The following TCF12 variants were observed in gnomAD, a reference collection of about 807,000 sequenced individuals.
TCF12 encodes transcription factor 12.
Under a neutral mutation model 86.0 loss-of-function variants are expected in TCF12, and 45 were observed. The ratio of observed to expected loss-of-function variants is 0.52; its 90% CI spans 0.41 to 0.67. TCF12 has a LOEUF of 0.67. Ranked by LOEUF, TCF12 falls within the 30% of genes least tolerant of loss-of-function variation. TCF12 has a pLI of 0.00. For missense variants in TCF12, 881 were observed against 859.9 expected (o/e 1.02, Z -0.31); for synonymous variants, 330 against 299.6 (o/e 1.10, Z -1.05).
intron 16 of TCF12, among the ~76,000 whole-genome samples, chr15:57,258,731 G>A (rs1324229670): frequency 6.6e-6 from 1 of 152,164 alleles, no homozygotes; most frequent in Non-Finnish European, 1.5e-5. Flanking sequence ...ATGTTAAATT[G>A]TAAAGTGTAA....
Position 57,197,718 on chromosome 15 carries a change from CTT to C in TCF12, c.527-54_527-53del. ...AAAAGTTATTCTGTTAATTTGAAGT[CTT>C]GATTTTTTTCTGGTATATTATGCTG... On this transcript the variant is annotated intron_variant, in intron 7 of 20. Coordinates refer to ENST00000333725, the MANE Select transcript of TCF12 (RefSeq NM_207037.2). 4 of 1,583,904 alleles carry C rather than the reference CTT, an allele frequency of 2.5e-6. No homozygotes were observed. In the East Asian group the frequency reaches 9.0e-5, roughly 35 times the overall value.
chr15:57,255,874 G>A (rs372295371), intron 16 of TCF12, among the ~76,000 whole-genome samples: 1 of 152,204 alleles, frequency 6.6e-6, no homozygotes. Context: ...AGTCTGAGCT[G>A]CAACATTAGT....
At chr15:57,233,134 A>T (rs1044378637) in intron 11 of TCF12, among the ~76,000 whole-genome samples, 9 of 150,202 alleles carry the variant, frequency 6.0e-5, no homozygotes, top group Admixed American at 1.3e-4. Flanking sequence ...ATATGTATAT[A>T]TGTATATATA....
chr15:57,008,082 T>C (rs1037199886), intron 3 of TCF12, among the ~76,000 whole-genome samples: 2 of 151,724 alleles, frequency 1.3e-5, no homozygotes, highest in African/African-American at 2.4e-5. Flanking sequence ...TGCTTTTGCC[T>C]CTTGAGTAGC....
intron 4 of TCF12, among the ~76,000 whole-genome samples, chr15:57,067,305 C>T (rs1034808871): frequency 6.6e-6 from 1 of 151,970 alleles, no homozygotes; most frequent in African/African-American, 2.4e-5. Flanking sequence ...CTTTGGGAGG[C>T]CGAGGCGGGC....
chr15:57,092,000 G>C, intron 5 of TCF12, 109 bp downstream of exon 5: 1 of 821,908 alleles, frequency 1.2e-6, no homozygotes, highest in East Asian at 2.5e-5. Context: ...GAAAGTTCTT[G>C]AGTTTCTAGG....
At chr15:57,226,169 G>A (rs1387735561) in intron 8 of TCF12, among the ~76,000 whole-genome samples, 1 of 150,434 alleles carries the variant, frequency 6.6e-6, no homozygotes, top group Non-Finnish European at 1.5e-5. Context: ...GTTTGACCTG[G>A]GTTGGGATAT....
intron 5 of TCF12, among the ~76,000 whole-genome samples, chr15:57,113,953 C>T (rs1335641753): frequency 2.0e-5 from 3 of 151,746 alleles, no homozygotes; most frequent in Non-Finnish European, 4.4e-5. Flanking sequence ...GAGACCCTGT[C>T]TCAAAAAGAA....
intron 5 of TCF12, among the ~76,000 whole-genome samples, chr15:57,128,698 T>G (rs546669541): frequency 1.3e-5 from 2 of 152,310 alleles, no homozygotes. Flanking sequence ...TCCTATTTCC[T>G]CCTTCACCCA....
chr15:56,940,672 C>T (rs1020905242), intron 3 of TCF12, among the ~76,000 whole-genome samples: 50 of 145,264 alleles, frequency 3.4e-4, no homozygotes, highest in Non-Finnish European at 9.1e-5. Flanking sequence ...ATCCTTCTCC[C>T]TCTCCTTCTC....
At chr15:57,148,094 G>A (rs2053490236) in intron 5 of TCF12, among the ~76,000 whole-genome samples, 1 of 151,854 alleles carries the variant, frequency 6.6e-6, no homozygotes, top group Non-Finnish European at 1.5e-5. Context: ...ATGTTGCCCA[G>A]GCTGGTGTCA....
chr15:57,043,969 C>T (rs903742831), intron 3 of TCF12, among the ~76,000 whole-genome samples: 2 of 150,498 alleles, frequency 1.3e-5, no homozygotes, highest in Admixed American at 6.6e-5. Context: ...GCTTTTTTAC[C>T]GAAAACTATG....
rs2152098805 is a variant in TCF12, at chr15:57,273,230, C to T, written c.1946C>T (p.Ala649Val). ...CTCCTTATTCTTCATCAAGCCGTGGCAGTCATCCTTAGTCTAGAACAGCAA... is the reference window on the plus strand; with the variant it reads ...CTCCTTATTCTTCATCAAGCCGTGGTAGTCATCCTTAGTCTAGAACAGCAA... ...TKLLILHQAV[A>V]VILSLEQQVR... is the part of the protein sequence containing the mutation. Residue 649 changes from alanine to valine, a missense_variant, in exon 19 of 21, where the codon GCA becomes GTA. Around this residue, in one of 3 missense-constraint regions of TCF12, gnomAD observed 46 missense variants for 76.7 expected, o/e 0.60. Transcript: ENST00000333725. The T allele has an allele frequency of 6.2e-7, 1 of 1,614,130 alleles. No individual in the cohort carries two copies.
intron 5 of TCF12, among the ~76,000 whole-genome samples, chr15:57,136,958 G>T (rs2052566646): frequency 6.0e-5 from 5 of 83,042 alleles, no homozygotes; most frequent in South Asian, 4.7e-4. Flanking sequence ...GCTTCTGGCA[G>T]TTTTTTTTTT....
At chr15:57,080,441 G>A (rs16977235) in intron 4 of TCF12, among the ~76,000 whole-genome samples, 6,270 of 152,248 alleles carry the variant, frequency 0.041, 359 homozygotes, top group African/African-American at 0.13. Flanking sequence ...CCTTTAGCCA[G>A]ATAATCACTG....
intron 3 of TCF12, among the ~76,000 whole-genome samples, chr15:57,053,244 C>T (rs571305716): frequency 3.3e-5 from 5 of 152,228 alleles, no homozygotes; most frequent in Admixed American, 6.5e-5. Flanking sequence ...TTTCATATAC[C>T]TGTTAGCCAT....
Position 57,013,225 on chromosome 15 carries a change from A to G in TCF12, c.149-50525A>G, listed in dbSNP as rs143668440. On this transcript the variant is annotated intron_variant, in intron 3 of 20. Coordinates refer to ENST00000333725, the MANE Select transcript of TCF12 (RefSeq NM_207037.2). ...AGTAAATATTTATCGAGTGCCTACT[A>G]TATTCCAGGCAATGTTATATAGACT... Among the ~76,000 whole-genome samples the G allele has an allele frequency of 1.2e-3, 177 of 152,352 alleles. 1 individual carries two copies. The highest frequency in any genetic ancestry group is 6.8e-3 in the Middle Eastern group (2 of 294).
intron 8 of TCF12, among the ~76,000 whole-genome samples, chr15:57,210,777 C>T (rs559895526): frequency 1.3e-5 from 2 of 152,186 alleles, no homozygotes; most frequent in Non-Finnish European, 2.9e-5. Context: ...TGTTGCCACC[C>T]GTTTTTCACT....
chr15:57,180,863 G>T (rs1396954751), intron 6 of TCF12, among the ~76,000 whole-genome samples: 1 of 126,486 alleles, frequency 7.9e-6, no homozygotes, highest in Admixed American at 1.0e-4. Flanking sequence ...CGCCCAGGCT[G>T]GAGTGCAGTG....
Sources: gnomAD v4.1 joint callset for allele counts (sites outside exome capture counted in the v4.1 genomes callset) on GRCh38, gnomAD v4.1.1 for gene constraint, gnomAD v4.1.1 regional missense constraint, MANE v1.5 for transcripts, NCBI Gene and HGNC (gene_info 2026-07-23, HGNC 2026-07-21) for gene names.